ZP3: variants seen among roughly 807,000 people sequenced by gnomAD.
ZP3 encodes the protein zona pellucida glycoprotein 3, also known as zona pellucida sperm-binding protein 3.
ZP3 carries 21 observed loss-of-function variants against 35.6 expected under a neutral mutation model. The ratio of observed to expected loss-of-function variants is 0.59; its 90% CI spans 0.42 to 0.85. ZP3 has a LOEUF of 0.85. Ranked by LOEUF, ZP3 falls within the 40% of genes least tolerant of loss-of-function variation. The pLI is 0.00. For missense variants in ZP3, 437 were observed against 536.5 expected, an observed-to-expected ratio of 0.81 and a Z score of 1.83; for synonymous variants, 207 against 214.5, an observed-to-expected ratio of 0.96 and a Z score of 0.31.
At chr7:76,412,495 G>A (rs1297342580) in intron 1 of ZP3, among the ~76,000 whole-genome samples, 2 of 152,178 alleles carry the variant, frequency 1.3e-5, no homozygotes, top group Non-Finnish European at 2.9e-5. Context: ...TAAAATAACA[G>A]AACTATACAC....
intron 1 of ZP3, among the ~76,000 whole-genome samples, chr7:76,427,202 C>T (rs1805692265): frequency 6.6e-6 from 1 of 152,074 alleles, no homozygotes; most frequent in South Asian, 2.1e-4. Flanking sequence ...TGTGGTGTTT[C>T]CCAGTTTTGC....
chr7:76,440,539 C>T lies in ZP3; in HGVS notation c.988C>T (p.Pro330Ser), dbSNP rs191720772. Residue 330 changes from proline to serine, a missense_variant, in exon 7 of 8, where the codon CCA becomes TCA. Pro to Ser is a moderately conservative substitution (Grantham distance 74, BLOSUM62 -1). Around this residue, in one of 6 missense-constraint regions of ZP3, gnomAD observed 41 missense variants for 50.2 expected, o/e 0.82. Transcript: ENST00000394857. The part of the protein sequence containing the change: ...QCCNKGDCGT[P>S]SHSRRQPHVM... Reference sequence around the variant, plus strand: ...CTGTAACAAAGGTGACTGTGGCACTCCAAGCCATTCCAGGAGGCAGCCTCA... The same window carrying T: ...CTGTAACAAAGGTGACTGTGGCACTTCAAGCCATTCCAGGAGGCAGCCTCA... 3.3e-5 allele frequency: 53 copies of T among 1,614,194 alleles called. No homozygotes were observed. In the African/African-American group the frequency reaches 6.3e-4, roughly 19 times the overall value.
chr7:76,417,132 A>ACCCCAACCTCCGCCTCC (rs1440970925), intron 1 of ZP3, among the ~76,000 whole-genome samples: 3 of 151,296 alleles, frequency 2.0e-5, no homozygotes, highest in African/African-American at 4.9e-5. Context: ...ATCTCGGCTC[A>ACCCCAACCTCCGCCTCC]CCCCAACCTC....
chr7:76,425,260 G>A lies in ZP3; in HGVS notation c.296G>A (p.Cys99Tyr). ...AGGTTTGAGGTTGGACTCCACGAGTGTGGCAACAGCATGCAGGTAAGAGAG... is the reference window on the plus strand; with the variant it reads ...AGGTTTGAGGTTGGACTCCACGAGTATGGCAACAGCATGCAGGTAAGAGAG... ...VVRFEVGLHECGNSMQVTDDA... is the reference protein window; with the variant it reads ...VVRFEVGLHEYGNSMQVTDDA... The change falls in exon 1 of 8, where the codon TGT becomes TAT. Residue 99 changes from cysteine (C) to tyrosine (Y), a missense_variant. Physicochemically the swap from Cys to Tyr is radical, Grantham distance 194. This residue lies in a region of ZP3 where 352 missense variants were observed against 308.4 expected (regional missense o/e 1.14). Transcript: ENST00000394857. 6.2e-7 allele frequency: 1 copy of A among 1,608,096 alleles called. No homozygotes were observed. The highest frequency in any genetic ancestry group is 8.5e-7 in the Non-Finnish European group (1 of 1,176,368).
intron 1 of ZP3, among the ~76,000 whole-genome samples, chr7:76,398,131 GCCTTC>G (rs1298272215): frequency 2.6e-5 from 4 of 152,054 alleles, no homozygotes; most frequent in African/African-American, 7.2e-5. Flanking sequence ...CCTCCAGGAA[GCCTTC>G]CCTGATCTCC....
chr7:76,399,375 G>A (rs1011279403), intron 1 of ZP3, among the ~76,000 whole-genome samples: 3 of 152,060 alleles, frequency 2.0e-5, no homozygotes, highest in Admixed American at 2.0e-4. Flanking sequence ...AGATTCTCAG[G>A]CCCCATCCAG....
At chr7:76,429,438 C>CTCAG (rs759334188) in intron 1 of ZP3, 77 bp from the exon 2 acceptor site, 1 of 1,418,708 alleles carries the variant, frequency 7.0e-7, no homozygotes, top group Non-Finnish European at 1.0e-6. Flanking sequence ...GGCTGCCCTC[C>CTCAG]CTGAGCACTC....
At chr7:76,426,907 C>CACACACACACACACACACAA (rs57796274) in intron 1 of ZP3, among the ~76,000 whole-genome samples, 2,740 of 126,828 alleles carry the variant, frequency 0.022, 97 homozygotes, top group Middle Eastern at 0.061. Flanking sequence ...CACACACACA[C>CACACACACACACACACACAA]AATAGGGTGT....
At chr7:76,397,626 C>A in exon 1 of ZP3, 1 of 1,613,480 alleles carries the variant, frequency 6.2e-7, no homozygotes, top group Non-Finnish European at 8.5e-7. Context: ...TGCACGTTGT[C>A]CAGCAGGATG....
Position 76,433,552 on chromosome 7 carries a change from C to T in ZP3, c.618C>T (p.Ser206=). 1.2e-6 allele frequency: 2 copies of T among 1,614,168 alleles called. No homozygotes were observed. The highest frequency in any genetic ancestry group is 1.1e-5 in the South Asian group (1 of 91,084). The part of the protein sequence containing the change: ...AHLQAEIHTG[S]HVPLRLFVDH... The stretch of plus-strand genomic sequence containing the variant: ...TCCAGGCAGAAATCCACACTGGCAG[C>T]CACGTGCCACTGCGGTTGTTTGTGG... The change falls in exon 4 of 8, where the codon AGC becomes AGT. Residue 206 remains serine, a synonymous_variant. Transcript: ENST00000394857.
At chr7:76,398,778 G>A (rs1804722391) in intron 1 of ZP3, 1 of 1,612,800 alleles carries the variant, frequency 6.2e-7, no homozygotes, top group South Asian at 1.1e-5. Flanking sequence ...TCCTTGTTGG[G>A]GGCTGCGTTG....
intron 2 of ZP3, among the ~76,000 whole-genome samples, chr7:76,430,454 G>A (rs1000490195): frequency 5.9e-5 from 9 of 152,118 alleles, no homozygotes; most frequent in Non-Finnish European, 8.8e-5. Flanking sequence ...AAGATGATGC[G>A]GCCAGGTATG....
Position 76,416,816 on chromosome 7 carries a change from C to CTCTCTA in ZP3, c.-66-8235_-66-8234insCTCTAT, listed in dbSNP as rs548167165. On this transcript the variant is annotated intron_variant, in intron 1 of 8. Coordinates refer to the ZP3 transcript ENST00000336517. Reference sequence around the variant, plus strand: ...GCTGTCTCTCTCTCTCTCTCTCTCTCTATATATATATACATATACATACAT... The same window carrying CTCTCTA: ...GCTGTCTCTCTCTCTCTCTCTCTCTCTCTCTATATATATATATACATATACATACAT... Among the ~76,000 whole-genome samples the CTCTCTA allele has an allele frequency of 9.7e-3, 1,399 of 143,724 alleles. 6 individuals carry two copies. The highest frequency in any genetic ancestry group is 0.017 in the Non-Finnish European group (1,112 of 65,648). The allele number at this position is 143,724 out of a possible 152,430, so 94.3% of individuals were successfully genotyped here.
chr7:76,397,848 G>A, intron 1 of ZP3: 1 of 1,528,432 alleles, frequency 6.5e-7, no homozygotes, highest in East Asian at 2.4e-5. Flanking sequence ...GATGGGGGCG[G>A]GGGTCAGGGC....
intron 1 of ZP3, among the ~76,000 whole-genome samples, chr7:76,418,576 G>C (rs1476414101): frequency 8.5e-6 from 1 of 117,562 alleles, no homozygotes; most frequent in African/African-American, 3.3e-5. Flanking sequence ...AAAAAAAAAG[G>C]CTGGGCACAG....
intron 1 of ZP3, among the ~76,000 whole-genome samples, chr7:76,408,308 G>A (rs777459609): frequency 3.9e-5 from 6 of 152,158 alleles, no homozygotes; most frequent in African/African-American, 4.8e-5. Context: ...GCCCAGGACA[G>A]CCCCCAGTGG....
At chr7:76,418,031 G>A (rs1395217048) in intron 1 of ZP3, among the ~76,000 whole-genome samples, 3 of 149,712 alleles carry the variant, frequency 2.0e-5, no homozygotes, top group African/African-American at 7.4e-5. Flanking sequence ...TCCGCCTCCC[G>A]GGTTCAAGCG....
At chr7:76,411,465 A>G (rs1191665530) in intron 1 of ZP3, among the ~76,000 whole-genome samples, 1 of 152,132 alleles carries the variant, frequency 6.6e-6, no homozygotes, top group Non-Finnish European at 1.5e-5. Flanking sequence ...GTTACTTGCA[A>G]GGCTGAGGTG....
intron 1 of ZP3, among the ~76,000 whole-genome samples, chr7:76,409,220 T>C (rs1805150950): frequency 6.6e-6 from 1 of 151,462 alleles, no homozygotes; most frequent in South Asian, 2.1e-4. Flanking sequence ...GGCTACAGAA[T>C]CATAGAAAAC....
Sources: allele counts gnomAD v4.1 joint callset (sites outside exome capture counted in the v4.1 genomes callset), GRCh38; gene constraint gnomAD v4.1.1; regional missense constraint gnomAD v4.1.1; transcripts MANE v1.5; gene names NCBI Gene and HGNC (gene_info 2026-07-23, HGNC 2026-07-21).